Variants in FAM118B observed in about 807,000 individuals in gnomAD.
FAM118B encodes the protein protein FAM118B.
Under a neutral mutation model 38.5 loss-of-function variants are expected in FAM118B, and 24 were observed. That is an observed-to-expected ratio of 0.62 (90% confidence interval 0.45 to 0.88). The LOEUF is 0.88. Ranked by LOEUF, FAM118B falls within the 40% of genes least tolerant of loss-of-function variation. FAM118B has a pLI of 0.00. For synonymous variants in FAM118B, 138 were observed against 156.3 expected (o/e 0.88, Z 0.87); for missense variants, 334 against 420.0 (o/e 0.80, Z 1.79).
chr11:126,224,162 A>C (rs528985678), intron 1 of FAM118B, among the ~76,000 whole-genome samples: 1 of 152,232 alleles, frequency 6.6e-6, no homozygotes, highest in Non-Finnish European at 1.5e-5. Context: ...ATTCTAGTGG[A>C]GGAGGCAGAT....
intron 3 of FAM118B, among the ~76,000 whole-genome samples, chr11:126,240,263 C>T (rs1339027991): frequency 2.7e-5 from 4 of 150,272 alleles, no homozygotes; most frequent in Non-Finnish European, 5.9e-5. Context: ...TTCTATTGGC[C>T]ACTTTTTTTT....
rs1364742039 is a variant in FAM118B, at chr11:126,257,443, T to C, written c.982+591T>C. Among the ~76,000 whole-genome samples, 3 of 152,126 alleles carry C rather than the reference T, an allele frequency of 2.0e-5. No homozygotes were observed. In the East Asian group the frequency reaches 5.8e-4, roughly 29 times the overall value. On this transcript the variant is annotated intron_variant, in intron 7 of 8. Transcript: ENST00000533050. Reference sequence around the variant, plus strand: ...GAAGGATCCTAAAATTGGTGGAGATTCTACAGATATGCCAATATTTATTTA... The same window carrying C: ...GAAGGATCCTAAAATTGGTGGAGATCCTACAGATATGCCAATATTTATTTA...
intron 6 of FAM118B, among the ~76,000 whole-genome samples, chr11:126,254,662 T>G (rs1950549810): frequency 6.6e-6 from 1 of 152,170 alleles, no homozygotes; most frequent in Non-Finnish European, 1.5e-5. Context: ...GCGAGACTCT[T>G]GTCTTTACAA....
At chr11:126,241,520 C>A (rs1950357381) in intron 4 of FAM118B, among the ~76,000 whole-genome samples, 2 of 151,980 alleles carry the variant, frequency 1.3e-5, no homozygotes, top group Admixed American at 1.3e-4. Flanking sequence ...TAAAAGGACT[C>A]CCTGTCTTGC....
intron 4 of FAM118B, chr11:126,245,091 G>T (rs916114169): frequency 1.3e-5 from 2 of 152,230 alleles, no homozygotes; most frequent in African/African-American, 4.8e-5. Context: ...TGAGGCAGGA[G>T]GATTGCTGGA....
intron 4 of FAM118B, chr11:126,245,147 C>T (rs1950404101): frequency 6.6e-6 from 1 of 152,130 alleles, no homozygotes; most frequent in Admixed American, 6.6e-5. Context: ...AGGGGACCAC[C>T]AGGTTGCCTA....
intron 7 of FAM118B, among the ~76,000 whole-genome samples, chr11:126,257,772 C>T (rs1433915546): frequency 6.6e-6 from 1 of 151,932 alleles, no homozygotes; most frequent in Non-Finnish European, 1.5e-5. Flanking sequence ...TTTAGAAATG[C>T]TATTTGGAAA....
At chr11:126,230,178 T>A (rs1950190448) in intron 2 of FAM118B, among the ~76,000 whole-genome samples, 1 of 152,232 alleles carries the variant, frequency 6.6e-6, no homozygotes, top group Admixed American at 6.5e-5. Flanking sequence ...GTGAGTTTGC[T>A]TTATCCACTG....
rs1041628650 is a variant in FAM118B at position 126,255,485 on chromosome 11, A to T, written c.696+1052A>T. The stretch of plus-strand genomic sequence containing the variant: ...CATTTCTGTGTTTTTGTGTGTGTAT[A>T]TGTATACACACACACACACATACTG... On this transcript the variant is annotated intron_variant, in intron 6 of 8. Transcript: ENST00000533050. This position sits in a 1 kb window ranked among gnomAD's most constrained non-coding sequence, Gnocchi z 4.6. 6.6e-6 allele frequency among the ~76,000 whole-genome samples: 1 copy of T among 152,106 alleles called. No homozygotes were observed. Among genetic ancestry groups the T allele is most frequent in the Non-Finnish European group, 1.5e-5 (1 of 68,030 alleles).
rs1171466118 is a variant in FAM118B, at chr11:126,256,593, C to T, written c.723C>T (p.Asn241=). The change falls in exon 7 of 9, where the codon AAC becomes AAT. Residue 241 remains asparagine (N), a synonymous_variant. Transcript: ENST00000533050. The surrounding 1 kb of genome is among the most constrained non-coding windows in gnomAD (Gnocchi z 6.6). ...VMREIQKLYE[N]KSFLFLGCGW... ...GAGAAATTCAGAAACTCTACGAAAA[C>T]AAGTCATTTCTTTTCCTGGGCTGTG... The T allele has an allele frequency of 1.2e-6, 2 of 1,613,738 alleles. No homozygotes were observed. The highest frequency in any genetic ancestry group is 1.7e-6 in the Non-Finnish European group (2 of 1,179,952).
intron 7 of FAM118B, among the ~76,000 whole-genome samples, chr11:126,259,099 G>C (rs1950628658): frequency 6.6e-6 from 1 of 152,214 alleles, no homozygotes; most frequent in South Asian, 2.1e-4. Context: ...TTTGTCATGT[G>C]AAATGTAGTA....
intron 1 of FAM118B, among the ~76,000 whole-genome samples, chr11:126,219,890 G>GT (rs577541999): frequency 3.6e-4 from 53 of 146,820 alleles, no homozygotes; most frequent in African/African-American, 7.0e-4. Context: ...AGCTGCTTGA[G>GT]TTTTTTTTTT....
At chr11:126,243,225 T>C (rs770990199) in intron 4 of FAM118B, among the ~76,000 whole-genome samples, 1 of 152,286 alleles carries the variant, frequency 6.6e-6, no homozygotes, top group Non-Finnish European at 1.5e-5. Context: ...TGCTAAAAAA[T>C]AGAGTAGGAG....
Position 126,211,822 on chromosome 11 carries a change from G to C in FAM118B, c.-85G>C. 1 of 640,494 alleles carries C rather than the reference G, an allele frequency of 1.6e-6. No homozygotes were observed. Among genetic ancestry groups the C allele is most frequent in the Non-Finnish European group, 2.7e-6 (1 of 373,572 alleles). The allele number at this position is 640,494 out of a possible 1,614,324, so 39.7% of individuals were successfully genotyped here. A position where few individuals can be genotyped will look rare whatever the true frequency, so the allele number is the denominator to read the frequency against. On this transcript the variant is annotated 5_prime_UTR_variant, in exon 1 of 9. Coordinates refer to ENST00000533050, the MANE Select transcript of FAM118B (RefSeq NM_024556.4). The stretch of plus-strand genomic sequence containing the variant: ...TGCAGCTGGAGCAGTGGCGTTTGGA[G>C]GAGACTCGGTGAGTGTGTAGGGAAG...
In FAM118B at chr11:126,244,393, C is replaced by T. The variant is rs1047245302; in HGVS notation, c.339+3349C>T. ...TTAGCAAGGTTGGAGAATCCGGGAT[C>T]AATATATAAAAATAGTATTTTTATA... On this transcript the variant is annotated intron_variant, in intron 4 of 8. Coordinates refer to ENST00000533050, the MANE Select transcript of FAM118B (RefSeq NM_024556.4). This position sits in a 1 kb window ranked among gnomAD's most constrained non-coding sequence, Gnocchi z 4.5. 1.3e-5 allele frequency among the ~76,000 whole-genome samples: 2 copies of T among 152,084 alleles called. No homozygotes were observed. The highest frequency in any genetic ancestry group is 2.9e-5 in the Non-Finnish European group (2 of 68,018).
chr11:126,248,513 G>C (rs1487675828), intron 4 of FAM118B, among the ~76,000 whole-genome samples: 1 of 151,676 alleles, frequency 6.6e-6, no homozygotes, highest in African/African-American at 2.4e-5. Flanking sequence ...TGGCACTACA[G>C]GCACCACCAC....
At chr11:126,259,968 C>G (rs1186863284) in intron 7 of FAM118B, among the ~76,000 whole-genome samples, 1 of 152,036 alleles carries the variant, frequency 6.6e-6, no homozygotes, top group Non-Finnish European at 1.5e-5. Flanking sequence ...GATCCACCCA[C>G]CTCAGCCTCC....
rs753101077 is a variant in FAM118B, at chr11:126,262,320, T to C, written c.*187T>C. On this transcript the variant is annotated 3_prime_UTR_variant, in exon 9 of 9. Transcript: ENST00000533050. ...CCTTCATACCACCTGGTTCTTGATA[T>C]TCTGCCGCCTGTTCAAGTTCAAGAA... The C allele has an allele frequency of 3.8e-5, 23 of 606,446 alleles. No homozygotes were observed. The highest frequency in any genetic ancestry group is 6.6e-5 in the Non-Finnish European group (23 of 346,726). The allele number at this position is 606,446 out of a possible 1,614,324, so 37.6% of individuals were successfully genotyped here. A position where few individuals can be genotyped will look rare whatever the true frequency, so the allele number is the denominator to read the frequency against.
intron 3 of FAM118B, among the ~76,000 whole-genome samples, chr11:126,239,873 T>A (rs1016577017): frequency 2.0e-5 from 3 of 152,142 alleles, no homozygotes; most frequent in African/African-American, 7.2e-5. Flanking sequence ...GAAAGCAGTT[T>A]TAGAGGCTGT....
Sources: allele counts gnomAD v4.1 joint callset (sites outside exome capture counted in the v4.1 genomes callset), GRCh38; gene constraint gnomAD v4.1.1; non-coding constraint Gnocchi (gnomAD v3.1); transcripts MANE v1.5; gene names NCBI Gene and HGNC (gene_info 2026-07-23, HGNC 2026-07-21).